The following CSMD1 variants were observed in gnomAD, a reference collection of about 807,000 sequenced individuals.
The protein encoded by CSMD1 is CUB and Sushi multiple domains 1.
CSMD1 carries 213 observed loss-of-function variants against 417.5 expected under a neutral mutation model. That is an observed-to-expected ratio of 0.51 (90% CI 0.46 to 0.57). CSMD1 has a LOEUF of 0.57. CSMD1 is among the 20% of genes least tolerant of loss of function. The pLI is 0.00. For synonymous variants in CSMD1, 2,862 were observed against 1,736.8 expected (o/e 1.65, Z -16.11); for missense variants, 6,923 against 4,529.7 (o/e 1.53, Z -15.17).
At chr8:4,959,603 G>A (rs1361416104) in intron 1 of CSMD1, among the ~76,000 whole-genome samples, 1 of 152,244 alleles carries the variant, frequency 6.6e-6, no homozygotes, top group Non-Finnish European at 1.5e-5. Flanking sequence ...TAGGCATTGA[G>A]CAGGCTTCCT....
intron 18 of CSMD1, among the ~76,000 whole-genome samples, chr8:3,371,375 G>C (rs981269774): frequency 1.3e-5 from 2 of 151,886 alleles, no homozygotes; most frequent in Non-Finnish European, 2.9e-5. Context: ...GCTTGCTGAA[G>C]AATGAAATAA....
In CSMD1 at chr8:4,630,387, C is replaced by T. The variant is rs138562830; in HGVS notation, c.302+6955G>A. On this transcript the variant is annotated intron_variant, in intron 2 of 69. Transcript: ENST00000635120. Reference sequence around the variant, plus strand: ...ATTAGGTATAACCATGATGAGAGCCCAATCTCACCCTTGAATCTCTGAATT... The same window carrying T: ...ATTAGGTATAACCATGATGAGAGCCTAATCTCACCCTTGAATCTCTGAATT... Among the ~76,000 whole-genome samples, 610 of 151,918 alleles carry T rather than the reference C, an allele frequency of 4.0e-3. 8 individuals carry two copies. The highest frequency in any genetic ancestry group is 0.014 in the African/African-American group (588 of 41,388).
chr8:4,930,112 G>C (rs1239600012), intron 1 of CSMD1, among the ~76,000 whole-genome samples: 1 of 152,172 alleles, frequency 6.6e-6, no homozygotes, highest in African/African-American at 2.4e-5. Flanking sequence ...CACTGTTTTT[G>C]TGTGACCTTA....
chr8:3,348,223 T>C (rs937910432), intron 21 of CSMD1, 62 bp from the exon 22 acceptor site: 1 of 1,271,924 alleles, frequency 7.9e-7, no homozygotes, highest in Non-Finnish European at 1.1e-6. Flanking sequence ...TTTTAACAGA[T>C]TAAAAACTTT....
chr8:3,583,253 C>G (rs1402617051), intron 9 of CSMD1, among the ~76,000 whole-genome samples: 2 of 152,060 alleles, frequency 1.3e-5, no homozygotes, highest in Middle Eastern at 3.4e-3. Context: ...AATTTTTACT[C>G]ACAGAGTCAA....
At chr8:4,848,620 A>C (rs562373918) in intron 1 of CSMD1, among the ~76,000 whole-genome samples, 1 of 151,290 alleles carries the variant, frequency 6.6e-6, no homozygotes, top group African/African-American at 2.4e-5. Context: ...GCTCACTACA[A>C]CCTCCGTCTT....
intron 5 of CSMD1, among the ~76,000 whole-genome samples, chr8:3,936,582 T>C (rs970503463): frequency 2.0e-5 from 3 of 152,146 alleles, no homozygotes; most frequent in Admixed American, 1.3e-4. Context: ...CATCTCTTTA[T>C]AGCATGGTTT....
At chr8:4,007,373 C>A (rs1816207420) in intron 4 of CSMD1, among the ~76,000 whole-genome samples, 1 of 152,218 alleles carries the variant, frequency 6.6e-6, no homozygotes, top group Admixed American at 6.5e-5. Context: ...TCTAGCCACA[C>A]TGCTTCCTGG....
At chr8:2,944,546 T>C (rs184497373) in intron 68 of CSMD1, among the ~76,000 whole-genome samples, 53 of 152,326 alleles carry the variant, frequency 3.5e-4, no homozygotes, top group African/African-American at 1.2e-3. Flanking sequence ...CACGGACTCA[T>C]AGTCACAAAA....
chr8:3,039,344 C>T (rs577509818), intron 50 of CSMD1, among the ~76,000 whole-genome samples: 9 of 145,104 alleles, frequency 6.2e-5, no homozygotes, highest in South Asian at 2.2e-4. Context: ...TCTTCCTTTC[C>T]GCCTTCCTTC....
chr8:4,083,635 CAT>C (rs1181574518), intron 3 of CSMD1, among the ~76,000 whole-genome samples: 6 of 152,048 alleles, frequency 3.9e-5, no homozygotes, highest in Non-Finnish European at 8.8e-5. Context: ...ACTGGCTAGC[CAT>C]ATGTAGAAAG....
At chr8:4,106,642 T>G (rs1297718957) in intron 3 of CSMD1, among the ~76,000 whole-genome samples, 1 of 152,258 alleles carries the variant, frequency 6.6e-6, no homozygotes, top group Non-Finnish European at 1.5e-5. Context: ...AATGTGATGT[T>G]GATAGGTATT....
chr8:4,171,979 C>T (rs1354857144), intron 3 of CSMD1, among the ~76,000 whole-genome samples: 3 of 152,146 alleles, frequency 2.0e-5, no homozygotes, highest in Admixed American at 6.5e-5. Flanking sequence ...CAGCATCCTT[C>T]ATTTGAATAT....
At chr8:4,713,765 C>T (rs1400340296) in intron 1 of CSMD1, among the ~76,000 whole-genome samples, 1 of 152,196 alleles carries the variant, frequency 6.6e-6, no homozygotes, top group Non-Finnish European at 1.5e-5. Flanking sequence ...CAGGTAAGTT[C>T]TGAGAAGCTT....
At chr8:4,157,588 G>T (rs371988338) in intron 3 of CSMD1, among the ~76,000 whole-genome samples, 65 of 152,232 alleles carry the variant, frequency 4.3e-4, no homozygotes, top group African/African-American at 1.5e-3. Context: ...ACCCTCTGCC[G>T]GTCATGTAAC....
intron 3 of CSMD1, among the ~76,000 whole-genome samples, chr8:4,340,438 C>T (rs9644366): frequency 1.1e-4 from 17 of 152,152 alleles, no homozygotes; most frequent in East Asian, 3.9e-4. Context: ...AATTAAGCTG[C>T]GCATTCCTTG....
At position 4,911,433 on chromosome 8, in the gene CSMD1, T is replaced by C. The variant is rs73507924; in HGVS notation, c.85+82899A>G. Among the ~76,000 whole-genome samples the C allele has an allele frequency of 7.7e-3, 1,180 of 152,312 alleles. 16 individuals carry two copies. Among genetic ancestry groups the C allele is most frequent in the African/African-American group, 0.027 (1,108 of 41,564 alleles). On this transcript the variant is annotated intron_variant, in intron 1 of 69. Transcript: ENST00000635120. ...CCCTTGACCTCTGACACAGCATATT[T>C]TTCCAGGTCCCATGAATACACTTTT...
intron 23 of CSMD1, among the ~76,000 whole-genome samples, chr8:3,335,051 T>C (rs935992567): frequency 5.3e-5 from 8 of 152,234 alleles, no homozygotes; most frequent in African/African-American, 1.9e-4. Context: ...ATACAGCTCA[T>C]GGCAGAGTGA....
intron 10 of CSMD1, among the ~76,000 whole-genome samples, chr8:3,520,050 T>TATATATATATA (rs1797443738): frequency 8.7e-6 from 1 of 114,998 alleles, no homozygotes; most frequent in African/African-American, 4.3e-5. Flanking sequence ...ACACGTATAG[T>TATATATATATA]TGTGAAACTT....
Sources: gnomAD v4.1 joint callset for allele counts (sites outside exome capture counted in the v4.1 genomes callset) on GRCh38, gnomAD v4.1.1 for gene constraint, MANE v1.5 for transcripts, NCBI Gene and HGNC (gene_info 2026-07-23, HGNC 2026-07-21) for gene names.